Variants in P2RY8 observed in about 807,000 individuals in gnomAD.
P2RY8 encodes P2Y receptor family member 8.
A neutral mutation model predicts 10.0 loss-of-function variants in P2RY8; 6 were observed. The ratio of observed to expected loss-of-function variants is 0.60; its 90% CI spans 0.33 to 1.19. P2RY8 has a LOEUF of 1.19. P2RY8 is among the 50% of genes most tolerant of loss of function. The probability of loss-of-function intolerance (pLI) is 0.04; values close to 1 mark genes in which losing one functional copy is unlikely to be tolerated. For missense variants in P2RY8, 456 were observed against 542.0 expected (o/e 0.84, Z 1.58); for synonymous variants, 276 against 252.5 (o/e 1.09, Z -0.88).
At chrX:1,476,427 G>GA (rs749407857) in intron 1 of P2RY8, among the ~76,000 whole-genome samples, 53 of 147,824 alleles carry the variant, frequency 3.6e-4, no homozygotes, top group South Asian at 1.1e-3. Flanking sequence ...ATACAAAAAA[G>GA]AAAAAAAAAA....
At chrX:1,477,583 T>A (rs2091889936) in intron 1 of P2RY8, among the ~76,000 whole-genome samples, 1 of 152,224 alleles carries the variant, frequency 6.6e-6, no homozygotes, top group Non-Finnish European at 1.5e-5. Context: ...ATCAATTATT[T>A]ATCCATTCAA....
intron 1 of P2RY8, among the ~76,000 whole-genome samples, chrX:1,486,682 C>A (rs775437194): frequency 2.6e-5 from 4 of 152,306 alleles, no homozygotes; most frequent in African/African-American, 9.6e-5. Flanking sequence ...TAAATGTCCC[C>A]CAGTTATTCG....
At chrX:1,477,136 C>A (rs1191890421) in intron 1 of P2RY8, among the ~76,000 whole-genome samples, 1 of 151,762 alleles carries the variant, frequency 6.6e-6, no homozygotes, top group Admixed American at 6.6e-5. Flanking sequence ...TTGCAGTGAG[C>A]TGAGATTGTG....
chrX:1,530,157 G>GT (rs1448165994), intron 1 of P2RY8, among the ~76,000 whole-genome samples: 171 of 42,498 alleles, frequency 4.0e-3, no homozygotes, highest in African/African-American at 8.2e-3. Context: ...ATGTATGTAT[G>GT]ATCTATCTAT....
intron 1 of P2RY8, among the ~76,000 whole-genome samples, chrX:1,468,556 C>T (rs1218052665): frequency 6.6e-6 from 1 of 152,060 alleles, no homozygotes; most frequent in Non-Finnish European, 1.5e-5. Flanking sequence ...CGGTTTGGGC[C>T]CCGCCGGGGC....
intron 1 of P2RY8, among the ~76,000 whole-genome samples, chrX:1,532,861 G>A (rs1251517358): frequency 6.6e-6 from 1 of 151,786 alleles, no homozygotes; most frequent in Admixed American, 6.6e-5. Context: ...TTAACCGGGT[G>A]TGGTGGCACA....
intron 1 of P2RY8, among the ~76,000 whole-genome samples, chrX:1,531,669 G>C (rs1252082848): frequency 6.6e-6 from 1 of 152,110 alleles, no homozygotes; most frequent in Non-Finnish European, 1.5e-5. Context: ...AGACCTTCTT[G>C]GCTAGAAAAT....
chrX:1,518,442 T>TA (rs2092367606), intron 1 of P2RY8, among the ~76,000 whole-genome samples: 1 of 143,188 alleles, frequency 7.0e-6, no homozygotes, highest in Non-Finnish European at 1.5e-5. Context: ...AAAAAAATAA[T>TA]AATAATATAA....
chrX:1,468,480 G>A (rs1316871656), intron 1 of P2RY8, among the ~76,000 whole-genome samples: 1 of 152,306 alleles, frequency 6.6e-6, no homozygotes, highest in Non-Finnish European at 1.5e-5. Flanking sequence ...TGAGGAACGC[G>A]CATGACTAAT....
intron 1 of P2RY8, among the ~76,000 whole-genome samples, chrX:1,504,241 G>A (rs1429167469): frequency 1.3e-5 from 2 of 152,072 alleles, no homozygotes; most frequent in East Asian, 1.9e-4. Flanking sequence ...GCTGGAACCC[G>A]GGAGGCGGAG....
chrX:1,464,798 G>GTT lies in P2RY8; in HGVS notation c.*680_*681insAA, dbSNP rs375673866. ...CAGCAACAGGGTGGGGTGTGTGTGT[G>GTT]GGGGGAAGTGGGCACGGAGAGTAGC... On this transcript the variant is annotated 3_prime_UTR_variant, in exon 2 of 2. Coordinates refer to ENST00000381297, the MANE Select transcript of P2RY8 (RefSeq NM_178129.5). The GTT allele has an allele frequency of 1.3e-5, 3 of 230,610 alleles. No homozygotes were observed. Among genetic ancestry groups the GTT allele is most frequent in the Admixed American group, 5.7e-5 (1 of 17,560 alleles). The allele number at this position is 230,610 out of a possible 1,614,324, so 14.3% of individuals were successfully genotyped here.
Position 1,463,067 on chromosome X carries a change from A to G in P2RY8, c.*2412T>C. The G allele has an allele frequency of 4.3e-6, 1 of 232,858 alleles. No individual in the cohort carries two copies. Among genetic ancestry groups the G allele is most frequent in the East Asian group, 6.0e-5 (1 of 16,576 alleles). The allele number at this position is 232,858 out of a possible 1,614,324, so 14.4% of individuals were successfully genotyped here. A position where few individuals can be genotyped will look rare whatever the true frequency, so the allele number is the denominator to read the frequency against. On this transcript the variant is annotated 3_prime_UTR_variant, in exon 2 of 2. Transcript: ENST00000381297. ...TTCTCGCACGTTGTCGAGGAAGGATATTGTCTCGGCTTCCTCTGACTCAAG... is the reference window on the plus strand; with the variant it reads ...TTCTCGCACGTTGTCGAGGAAGGATGTTGTCTCGGCTTCCTCTGACTCAAG...
intron 1 of P2RY8, among the ~76,000 whole-genome samples, chrX:1,499,306 G>C (rs142065804): frequency 1.3e-5 from 2 of 151,572 alleles, no homozygotes; most frequent in East Asian, 3.9e-4. Context: ...GGGATTACAC[G>C]AGGTGTGTGC....
chrX:1,532,503 A>G (rs1192717112), intron 1 of P2RY8, among the ~76,000 whole-genome samples: 4 of 139,804 alleles, frequency 2.9e-5, no homozygotes, highest in African/African-American at 5.9e-5. Flanking sequence ...ATACACATAT[A>G]TGTATAGATG....
chrX:1,503,769 C>A (rs1302448863), intron 1 of P2RY8, among the ~76,000 whole-genome samples: 1 of 152,036 alleles, frequency 6.6e-6, no homozygotes, highest in East Asian at 1.9e-4. Context: ...GTGGCAGGCA[C>A]CTGTAGTCCC....
At chrX:1,498,762 A>G (rs1323095166) in intron 1 of P2RY8, among the ~76,000 whole-genome samples, 1 of 151,316 alleles carries the variant, frequency 6.6e-6, no homozygotes, top group East Asian at 2.0e-4. Context: ...CTGGTCTCGA[A>G]CTCCTGATCT....
chrX:1,521,309 G>A (rs1348428221), intron 1 of P2RY8, among the ~76,000 whole-genome samples: 2 of 152,078 alleles, frequency 1.3e-5, no homozygotes, highest in South Asian at 2.1e-4. Flanking sequence ...GCCTCCCAAA[G>A]TGCTGGGATT....
intron 1 of P2RY8, among the ~76,000 whole-genome samples, chrX:1,526,373 T>C (rs1396962493): frequency 6.6e-6 from 1 of 151,938 alleles, no homozygotes; most frequent in African/African-American, 2.4e-5. Flanking sequence ...CATCCATTTA[T>C]CAATACACCC....
At chrX:1,513,728 T>C (rs2092317493) in intron 1 of P2RY8, among the ~76,000 whole-genome samples, 1 of 149,808 alleles carries the variant, frequency 6.7e-6, no homozygotes, top group African/African-American at 2.5e-5. Flanking sequence ...TCCACTACAA[T>C]TGTATCCAGT....
Sources: allele counts gnomAD v4.1 joint callset (sites outside exome capture counted in the v4.1 genomes callset), GRCh38; gene constraint gnomAD v4.1.1; transcripts MANE v1.5; gene names NCBI Gene and HGNC (gene_info 2026-07-23, HGNC 2026-07-21).